The following SHISA6 variants were observed in gnomAD, a reference collection of about 807,000 sequenced individuals.
SHISA6 encodes protein shisa-6.
Under a neutral mutation model 47.9 loss-of-function variants are expected in SHISA6, and 22 were observed. The ratio of observed to expected loss-of-function variants is 0.46; its 90% CI spans 0.33 to 0.66. SHISA6 has a LOEUF of 0.66. SHISA6 is among the 30% of genes least tolerant of loss of function. SHISA6 has a pLI of 0.02. For missense variants in SHISA6, 680 were observed against 764.6 expected (o/e 0.89, Z 1.30); for synonymous variants, 388 against 337.8 (o/e 1.15, Z -1.63).
intron 2 of SHISA6, among the ~76,000 whole-genome samples, chr17:11,286,228 A>G (rs796741774): frequency 3.3e-5 from 5 of 152,210 alleles, no homozygotes; most frequent in African/African-American, 1.2e-4. Flanking sequence ...ACCAGACCAT[A>G]TGAGGGACTA....
intron 3 of SHISA6, among the ~76,000 whole-genome samples, chr17:11,451,507 A>G (rs566583650): frequency 5.3e-5 from 8 of 152,228 alleles, no homozygotes; most frequent in Non-Finnish European, 1.2e-4. Flanking sequence ...GTAATGTTAA[A>G]TATGATAGGT....
At chr17:11,321,321 C>T (rs141659634) in intron 2 of SHISA6, among the ~76,000 whole-genome samples, 1 of 152,330 alleles carries the variant, frequency 6.6e-6, no homozygotes, top group African/African-American at 2.4e-5. Flanking sequence ...CCACTCTTAG[C>T]TGCAAGAGAG....
chr17:11,423,020 A>T (rs939708324), intron 3 of SHISA6, among the ~76,000 whole-genome samples: 3 of 151,674 alleles, frequency 2.0e-5, no homozygotes, highest in Non-Finnish European at 4.4e-5. Flanking sequence ...AGAGGGAATT[A>T]AAACCAGACC....
rs537147907 is a variant in SHISA6, at chr17:11,488,887, T to G, written c.896-63009T>G. Among the ~76,000 whole-genome samples the G allele has an allele frequency of 2.1e-4, 32 of 152,322 alleles. No individual in the cohort carries two copies. In the South Asian group the frequency reaches 6.2e-3, roughly 30 times the overall value. On this transcript the variant is annotated intron_variant, in intron 3 of 5. Transcript: ENST00000441885. ...CAGAGAATGGCAAATGGATGGTTCC[T>G]CAAAGAAAAATCAGGGTACTATGCC...
At chr17:11,300,669 CTTTTT>C (rs201580011) in intron 2 of SHISA6, among the ~76,000 whole-genome samples, 1 of 136,256 alleles carries the variant, frequency 7.3e-6, no homozygotes, top group Admixed American at 7.4e-5. Context: ...TTTTCTTTTT[CTTTTT>C]TTTTTTTTTT....
intron 2 of SHISA6, among the ~76,000 whole-genome samples, chr17:11,334,369 A>G (rs1379785803): frequency 1.3e-5 from 2 of 152,180 alleles, no homozygotes; most frequent in Non-Finnish European, 2.9e-5. Flanking sequence ...CGTTGTGAGT[A>G]AAAACAGCTT....
At chr17:11,499,327 G>A (rs2071431917) in intron 3 of SHISA6, among the ~76,000 whole-genome samples, 2 of 152,122 alleles carry the variant, frequency 1.3e-5, no homozygotes, top group Non-Finnish European at 2.9e-5. Context: ...GCCACTTGGG[G>A]AGTGGACTAT....
intron 2 of SHISA6, among the ~76,000 whole-genome samples, chr17:11,295,685 C>T (rs986659769): frequency 1.3e-5 from 2 of 151,986 alleles, no homozygotes; most frequent in African/African-American, 2.4e-5. Context: ...GTCATGGGGC[C>T]GGGTGCGGTG....
chr17:11,279,846 G>C (rs560553956), intron 2 of SHISA6, among the ~76,000 whole-genome samples: 2 of 152,118 alleles, frequency 1.3e-5, no homozygotes, highest in Admixed American at 1.3e-4. Context: ...CTAAGGAAAT[G>C]ACCTGCATTT....
At chr17:11,392,155 T>G (rs1913406393) in intron 3 of SHISA6, among the ~76,000 whole-genome samples, 1 of 152,332 alleles carries the variant, frequency 6.6e-6, no homozygotes, top group South Asian at 2.1e-4. Flanking sequence ...CTTCATCTGC[T>G]TCCCAGTGAA....
At chr17:11,515,366 G>T (rs936268976) in intron 3 of SHISA6, among the ~76,000 whole-genome samples, 27 of 127,686 alleles carry the variant, frequency 2.1e-4, no homozygotes, top group African/African-American at 8.1e-4. Context: ...GGAAGGAAGG[G>T]AGAGAAAATG....
intron 3 of SHISA6, among the ~76,000 whole-genome samples, chr17:11,454,112 C>T (rs996061898): frequency 4.6e-5 from 7 of 152,144 alleles, no homozygotes; most frequent in African/African-American, 9.7e-5. Context: ...TTCTGGAGTG[C>T]GTCTCATTCA....
intron 3 of SHISA6, among the ~76,000 whole-genome samples, chr17:11,382,792 A>G (rs1913056753): frequency 2.0e-5 from 3 of 152,132 alleles, no homozygotes; most frequent in Admixed American, 6.5e-5. Context: ...CCATTGCCCT[A>G]CTAACCCAGA....
intron 1 of SHISA6, among the ~76,000 whole-genome samples, chr17:11,261,669 C>T (rs1182508646): frequency 1.3e-5 from 2 of 152,148 alleles, no homozygotes; most frequent in African/African-American, 4.8e-5. Flanking sequence ...AATAATATTC[C>T]ATTGTGTGAA....
At chr17:11,449,484 G>T (rs1489832957) in intron 3 of SHISA6, among the ~76,000 whole-genome samples, 2 of 152,018 alleles carry the variant, frequency 1.3e-5, no homozygotes, top group Non-Finnish European at 2.9e-5. Context: ...AAAAATTGAG[G>T]CTTGGAAGAC....
intron 3 of SHISA6, among the ~76,000 whole-genome samples, chr17:11,409,762 T>G (rs115656702): frequency 6.6e-6 from 1 of 150,772 alleles, no homozygotes; most frequent in Non-Finnish European, 1.5e-5. Flanking sequence ...TGGAGAAAGT[T>G]AGGAGTTCTT....
intron 2 of SHISA6, among the ~76,000 whole-genome samples, chr17:11,346,995 T>C (rs1422356362): frequency 6.6e-6 from 1 of 152,210 alleles, no homozygotes; most frequent in Non-Finnish European, 1.5e-5. Flanking sequence ...ATAGGCACAG[T>C]ATCATGTTTG....
chr17:11,336,041 A>G (rs986060496), intron 2 of SHISA6, among the ~76,000 whole-genome samples: 2 of 151,454 alleles, frequency 1.3e-5, no homozygotes, highest in African/African-American at 2.4e-5. Context: ...TCTACTTAAA[A>G]AAAAAAAAAA....
chr17:11,318,222 GT>G (rs1245544107), intron 2 of SHISA6, among the ~76,000 whole-genome samples: 1 of 152,116 alleles, frequency 6.6e-6, no homozygotes, highest in African/African-American at 2.4e-5. Context: ...TCGTTCCATT[GT>G]TTTATGACAC....
Sources: gnomAD v4.1 joint callset for allele counts (sites outside exome capture counted in the v4.1 genomes callset) on GRCh38, gnomAD v4.1.1 for gene constraint, MANE v1.5 for transcripts, NCBI Gene and HGNC (gene_info 2026-07-23, HGNC 2026-07-21) for gene names.